The following SLC25A31 variants were observed in gnomAD, a reference collection of about 807,000 sequenced individuals.
SLC25A31 encodes ADP/ATP translocase 4.
A neutral mutation model predicts 36.2 loss-of-function variants in SLC25A31; 40 were observed. That is an observed-to-expected ratio of 1.10 (90% CI 0.86 to 1.44). SLC25A31 has a LOEUF of 1.44. SLC25A31 is among the 40% of genes most tolerant of loss of function. The probability of loss-of-function intolerance (pLI) is 0.00; values close to 1 mark genes in which losing one functional copy is unlikely to be tolerated. For missense variants in SLC25A31, 350 were observed against 397.1 expected (o/e 0.88, Z 1.01); for synonymous variants, 143 against 149.7 (o/e 0.96, Z 0.32).
intron 2 of SLC25A31, among the ~76,000 whole-genome samples, chr4:127,745,030 AT>A (rs1182991782): frequency 2.6e-5 from 4 of 152,140 alleles, no homozygotes; most frequent in Non-Finnish European, 5.9e-5. Flanking sequence ...TCAAGGCAGT[AT>A]TTTTTGAATA....
At chr4:127,757,469 T>G (rs1732052137) in intron 2 of SLC25A31, among the ~76,000 whole-genome samples, 1 of 152,248 alleles carries the variant, frequency 6.6e-6, no homozygotes, top group Non-Finnish European at 1.5e-5. Context: ...CATTATTTCA[T>G]TCTTTTTTTA....
Position 127,750,676 on chromosome 4 carries a change from C to A in SLC25A31, c.360+5877C>A, listed in dbSNP as rs868074513. ...GTGCAGTTGAACTTAAGTTGATAAT[C>A]ACCTTAAATTAGAATATTGTAATTA... On this transcript the variant is annotated intron_variant, in intron 2 of 5. Transcript: ENST00000281154. Among the ~76,000 whole-genome samples, 5 of 151,848 alleles carry A rather than the reference C, an allele frequency of 3.3e-5. No individual in the cohort carries two copies. The South Asian group carries it at 1.0e-3, about 32-fold the overall frequency.
chr4:127,763,665 A>G (rs1264053611), intron 2 of SLC25A31, among the ~76,000 whole-genome samples: 1 of 152,204 alleles, frequency 6.6e-6, no homozygotes, highest in East Asian at 1.9e-4. Flanking sequence ...ATGTCTGCCA[A>G]TCTCCATGTT....
intron 2 of SLC25A31, 115 bp from the exon 3 acceptor site, chr4:127,764,128 T>C: frequency 2.4e-6 from 2 of 820,102 alleles, no homozygotes; most frequent in Non-Finnish European, 3.8e-6. Flanking sequence ...GTTTACTTTA[T>C]AAAAGTGGCT....
chr4:127,768,988 A>G, intron 5 of SLC25A31, 111 bp downstream of exon 5: 1 of 979,040 alleles, frequency 1.0e-6, no homozygotes, highest in Non-Finnish European at 1.4e-6. Flanking sequence ...CATTTGTTTT[A>G]CTTAGCTAAA....
chr4:127,762,500 G>A (rs1732159238), intron 2 of SLC25A31, among the ~76,000 whole-genome samples: 1 of 152,188 alleles, frequency 6.6e-6, no homozygotes, highest in African/African-American at 2.4e-5. Context: ...CTAAGCTGTG[G>A]TGATGGTTGC....
In SLC25A31 at chr4:127,769,014, A is replaced by T. The variant is rs76227179; in HGVS notation, c.759+137A>T. 2,506 of 748,000 alleles carry T rather than the reference A, an allele frequency of 3.4e-3. 50 individuals carry two copies. The African/African-American group carries it at 0.04, about 12-fold the overall frequency. 46.3% of individuals were successfully genotyped at this position (748,000 alleles called of 1,614,324 possible). On this transcript the variant is annotated intron_variant, in intron 5 of 5. Transcript: ENST00000281154. ...CTTAGCTAAAATAAATACATGATGT[A>T]TTCTGTCTTATATTCTTTCCTATCC...
In SLC25A31 at chr4:127,733,527, A is replaced by G. The variant is rs1162519432; in HGVS notation, c.232+2750A>G. On this transcript the variant is annotated intron_variant, in intron 1 of 5. Coordinates refer to ENST00000281154, the MANE Select transcript of SLC25A31 (RefSeq NM_031291.4). ...CTATGATGATTGTATGTATACTTGT[A>G]CACATATTTATTTGACGTATTTCAA... 2.0e-5 allele frequency among the ~76,000 whole-genome samples: 3 copies of G among 152,204 alleles called. No homozygotes were observed. In the East Asian group the frequency reaches 5.8e-4, roughly 29 times the overall value.
intron 2 of SLC25A31, among the ~76,000 whole-genome samples, chr4:127,749,708 C>CAAAAAAAAAA (rs34540386): frequency 1.9e-5 from 2 of 106,160 alleles, no homozygotes; most frequent in Admixed American, 9.6e-5. Flanking sequence ...GACTCCATCT[C>CAAAAAAAAAA]AAAAAAAAAA....
rs564960930 is a variant in SLC25A31 at position 127,773,649 on chromosome 4, A to AT, written c.*79dup. 8.0e-5 allele frequency: 95 copies of AT among 1,191,950 alleles called. 2 individuals are homozygous for AT. The highest frequency in any genetic ancestry group is 7.4e-4 in the South Asian group (44 of 59,064). 73.8% of individuals were successfully genotyped at this position (1,191,950 alleles called of 1,614,324 possible). ...AATTACATAGCTGCCATTTGCATACATTTTGATAGTGTTATTGTCTGTATT... is the reference window on the plus strand; with the variant it reads ...AATTACATAGCTGCCATTTGCATACATTTTTGATAGTGTTATTGTCTGTATT... On this transcript the variant is annotated 3_prime_UTR_variant, in exon 6 of 6. Coordinates refer to ENST00000281154, the MANE Select transcript of SLC25A31 (RefSeq NM_031291.4).
Position 127,764,418 on chromosome 4 carries a change from T to C in SLC25A31, c.478+58T>C, listed in dbSNP as rs547757933. 3.0e-5 allele frequency: 41 copies of C among 1,388,442 alleles called. No individual in the cohort carries two copies. The African/African-American group carries it at 4.1e-4, about 14-fold the overall frequency. The allele number at this position is 1,388,442 out of a possible 1,614,324, so 86.0% of individuals were successfully genotyped here. On this transcript the variant is annotated intron_variant, in intron 3 of 5. Transcript: ENST00000281154. ...TCTTTGCATTTTGAACCATCTGTTA[T>C]TTATTGGCATTAATTGTGCTATAAT... is the stretch of plus-strand genomic sequence containing the variant.
At chr4:127,734,386 C>T (rs1452567036) in intron 1 of SLC25A31, among the ~76,000 whole-genome samples, 2 of 151,786 alleles carry the variant, frequency 1.3e-5, no homozygotes, top group African/African-American at 4.8e-5. Context: ...ATGGTGAAAC[C>T]CCGTCTCTAC....
At chr4:127,736,323 T>C (rs1731632837) in intron 1 of SLC25A31, among the ~76,000 whole-genome samples, 1 of 152,214 alleles carries the variant, frequency 6.6e-6, no homozygotes, top group African/African-American at 2.4e-5. Context: ...GAAATTTTTT[T>C]CTTAGGAATT....
At chr4:127,759,135 G>A (rs1293919256) in intron 2 of SLC25A31, among the ~76,000 whole-genome samples, 3 of 151,188 alleles carry the variant, frequency 2.0e-5, no homozygotes, top group East Asian at 1.9e-4. Context: ...TTTGTGTCAT[G>A]TATGATTTCT....
intron 2 of SLC25A31, among the ~76,000 whole-genome samples, chr4:127,751,425 G>C (rs1731929905): frequency 6.6e-6 from 1 of 152,174 alleles, no homozygotes; most frequent in South Asian, 2.1e-4. Context: ...ATTAATTCAA[G>C]ATGGATTAAA....
At chr4:127,739,647 AT>A (rs1340873462) in intron 1 of SLC25A31, among the ~76,000 whole-genome samples, 1 of 151,660 alleles carries the variant, frequency 6.6e-6, no homozygotes, top group East Asian at 1.9e-4. Context: ...GATTAGGGAA[AT>A]TTTCTTGAAT....
chr4:127,765,523 G>A (rs111934836), intron 3 of SLC25A31, among the ~76,000 whole-genome samples: 6 of 152,112 alleles, frequency 3.9e-5, no homozygotes, highest in South Asian at 2.1e-4. Flanking sequence ...AACAAATATT[G>A]AGTGCCTTCT....
chr4:127,752,431 AG>A (rs1731953152), intron 2 of SLC25A31, among the ~76,000 whole-genome samples: 1 of 144,804 alleles, frequency 6.9e-6, no homozygotes, highest in African/African-American at 2.5e-5. Flanking sequence ...GGGTAGGGGG[AG>A]GGGGGAGGAT....
intron 5 of SLC25A31, among the ~76,000 whole-genome samples, chr4:127,772,136 T>A (rs1387213787): frequency 1.3e-5 from 2 of 152,358 alleles, no homozygotes; most frequent in Non-Finnish European, 2.9e-5. Context: ...CTAGAATAAT[T>A]TCTGAAAGAT....
Sources: allele counts gnomAD v4.1 joint callset (sites outside exome capture counted in the v4.1 genomes callset), GRCh38; gene constraint gnomAD v4.1.1; transcripts MANE v1.5; gene names NCBI Gene and HGNC (gene_info 2026-07-23, HGNC 2026-07-21).